The following TNS1 variants were observed in gnomAD, a reference collection of about 807,000 sequenced individuals.
The protein encoded by TNS1 is tensin 1, also known as tensin-1.
In TNS1, 62 loss-of-function variants were observed where a neutral mutation model predicts 168.6. The observed-to-expected ratio is 0.37, with a 90% confidence interval of 0.30 to 0.45. TNS1 has a LOEUF of 0.45. TNS1 is among the 20% of genes least tolerant of loss of function. The pLI is 1.00. For missense variants in TNS1, 2,240 were observed against 2,339.4 expected, an observed-to-expected ratio of 0.96 and a Z score of 0.88; for synonymous variants, 934 against 933.2, an observed-to-expected ratio of 1.00 and a Z score of -0.02.
intron 3 of TNS1, among the ~76,000 whole-genome samples, chr2:217,951,258 T>C (rs1337489227): frequency 1.3e-5 from 2 of 152,154 alleles, no homozygotes; most frequent in Non-Finnish European, 2.9e-5. Context: ...CAGCTCTCCA[T>C]AAATGTTGGC....
chr2:217,877,568 C>T (rs1950303926), intron 18 of TNS1, among the ~76,000 whole-genome samples: 1 of 152,216 alleles, frequency 6.6e-6, no homozygotes, highest in South Asian at 2.1e-4. Context: ...GCCCAGCCAC[C>T]TGAGCCTGAG....
At chr2:217,820,665 G>A (rs1365441599) in intron 23 of TNS1, among the ~76,000 whole-genome samples, 3 of 152,072 alleles carry the variant, frequency 2.0e-5, no homozygotes, top group Non-Finnish European at 2.9e-5. Flanking sequence ...ACACCTCCTA[G>A]GTCCTCCTCC....
In TNS1 at chr2:217,959,648, TA is replaced by T. The variant is rs375090331; in HGVS notation, c.186+19116del. Among the ~76,000 whole-genome samples, 31 of 152,334 alleles carry T rather than the reference TA, an allele frequency of 2.0e-4. No homozygotes were observed. The East Asian group carries it at 3.5e-3, about 17-fold the overall frequency. On this transcript the variant is annotated intron_variant, in intron 3 of 32. Coordinates refer to ENST00000682258, the MANE Select transcript of TNS1 (RefSeq NM_001387777.1). ...GTGCCTTAGCATGAAGACTGGTGTC[TA>T]ATTGCTTAATAAATGATAACCACTA...
chr2:217,864,935 T>C (rs148208380), intron 18 of TNS1, among the ~76,000 whole-genome samples: 4 of 152,164 alleles, frequency 2.6e-5, no homozygotes, highest in African/African-American at 4.8e-5. Context: ...GGGGCAGAGA[T>C]CCATGTGGTT....
intron 19 of TNS1, among the ~76,000 whole-genome samples, chr2:217,843,377 C>A (rs1226290899): frequency 1.3e-5 from 2 of 151,802 alleles, no homozygotes; most frequent in African/African-American, 4.8e-5. Flanking sequence ...CCAACCTACT[C>A]CCCTCCTCTT....
intron 6 of TNS1, chr2:217,903,561 T>C: frequency 6.5e-7 from 1 of 1,528,356 alleles, no homozygotes; most frequent in Non-Finnish European, 8.8e-7. Flanking sequence ...GAACTTTTCA[T>C]CCAACTCTCT....
intron 1 of TNS1, among the ~76,000 whole-genome samples, chr2:218,009,456 A>G (rs1486383409): frequency 6.6e-6 from 1 of 151,944 alleles, no homozygotes; most frequent in Non-Finnish European, 1.5e-5. Flanking sequence ...AGGGAGACCG[A>G]TGCTCAACCA....
chr2:217,954,242 C>T (rs1255319595), intron 3 of TNS1, among the ~76,000 whole-genome samples: 1 of 152,192 alleles, frequency 6.6e-6, no homozygotes, highest in Non-Finnish European at 1.5e-5. Context: ...GTGACCCTGC[C>T]CAGTCTCATG....
chr2:217,830,037 A>G, intron 22 of TNS1: 1 of 969,044 alleles, frequency 1.0e-6, no homozygotes, highest in Non-Finnish European at 1.2e-6. Flanking sequence ...CGGAGATGGG[A>G]AAGCTGGGGT....
chr2:217,868,250 T>G (rs1949460233), intron 18 of TNS1, among the ~76,000 whole-genome samples: 1 of 152,228 alleles, frequency 6.6e-6, no homozygotes, highest in Non-Finnish European at 1.5e-5. Flanking sequence ...TCCCACCCTC[T>G]TGCATGCTGA....
Position 217,885,873 on chromosome 2 carries a change from G to C in TNS1, c.1041-54C>G, listed in dbSNP as rs183400079. ...GTGGGCTGCTGGAGGGGAGATGAGG[G>C]AGGGGCATTTTCTCCCTGCTGCCCC... On this transcript the variant is annotated intron_variant, in intron 14 of 32. Coordinates refer to ENST00000682258, the MANE Select transcript of TNS1 (RefSeq NM_001387777.1). The C allele has an allele frequency of 1.6e-4, 250 of 1,569,374 alleles. 1 individual carries two copies. The African/African-American group carries it at 2.4e-3, about 15-fold the overall frequency.
At chr2:217,984,505 T>G (rs1958140549) in intron 2 of TNS1, among the ~76,000 whole-genome samples, 1 of 152,140 alleles carries the variant, frequency 6.6e-6, no homozygotes, top group Non-Finnish European at 1.5e-5. Flanking sequence ...TCTTTCTTTC[T>G]GAGACAGGGT....
chr2:217,829,013 G>C (rs1273326412), intron 22 of TNS1, among the ~76,000 whole-genome samples: 1 of 152,152 alleles, frequency 6.6e-6, no homozygotes, highest in Non-Finnish European at 1.5e-5. Context: ...AGAGCTACTG[G>C]CATCTAGCAG....
Position 217,880,362 on chromosome 2 carries a change from A to T in TNS1, c.1429+536T>A, listed in dbSNP as rs866561238. On this transcript the variant is annotated intron_variant, in intron 18 of 32. Coordinates refer to ENST00000682258, the MANE Select transcript of TNS1 (RefSeq NM_001387777.1). The surrounding 1 kb of genome is among the most constrained non-coding windows in gnomAD (Gnocchi z 4.2). ...CCTATCAGTTTGTTCCCAGCTCTCA[A>T]ACATTTTTGTTGGCTGTTGATGAAA... Among the ~76,000 whole-genome samples, 2 of 152,164 alleles carry T rather than the reference A, an allele frequency of 1.3e-5. No homozygotes were observed. Among genetic ancestry groups the T allele is most frequent in the Non-Finnish European group, 2.9e-5 (2 of 68,036 alleles).
Position 217,880,658 on chromosome 2 carries a change from G to A in TNS1, c.1429+240C>T, listed in dbSNP as rs191122491. Among the ~76,000 whole-genome samples the A allele has an allele frequency of 2.6e-5, 4 of 152,262 alleles. No homozygotes were observed. Among genetic ancestry groups the A allele is most frequent in the African/African-American group, 7.2e-5 (3 of 41,540 alleles). ...CTTGGCTGTAGCAACACACTTCCACGATAACCCCCTTGTGGCCATTTTGCT... is the reference window on the plus strand; with the variant it reads ...CTTGGCTGTAGCAACACACTTCCACAATAACCCCCTTGTGGCCATTTTGCT... On this transcript the variant is annotated intron_variant, in intron 18 of 32. Coordinates refer to ENST00000682258, the MANE Select transcript of TNS1 (RefSeq NM_001387777.1). The surrounding 1 kb of genome is among the most constrained non-coding windows in gnomAD (Gnocchi z 4.2).
intron 12 of TNS1, among the ~76,000 whole-genome samples, chr2:217,886,981 C>T (rs1345222808): frequency 6.6e-6 from 1 of 152,134 alleles, no homozygotes; most frequent in African/African-American, 2.4e-5. Context: ...ACCAAAATTT[C>T]CACCCCACAT....
chr2:217,882,977 A>G (rs1412291100), intron 16 of TNS1, among the ~76,000 whole-genome samples: 1 of 151,828 alleles, frequency 6.6e-6, no homozygotes, highest in African/African-American at 2.4e-5. Context: ...TGTATTTTTT[A>G]TAGCGACGGA....
intron 18 of TNS1, among the ~76,000 whole-genome samples, chr2:217,853,463 G>A (rs367846698): frequency 7.2e-5 from 11 of 152,256 alleles, no homozygotes; most frequent in South Asian, 2.1e-4. Context: ...GCATTGTCAC[G>A]GGTGACAATG....
chr2:218,005,562 G>C (rs1958650141), upstream of TNS1, among the ~76,000 whole-genome samples: 1 of 152,162 alleles, frequency 6.6e-6, no homozygotes, highest in East Asian at 1.9e-4. Flanking sequence ...TGTGTGTAAT[G>C]ACCCTGTTCC....
Sources: gnomAD v4.1 joint callset for allele counts (sites outside exome capture counted in the v4.1 genomes callset) on GRCh38, gnomAD v4.1.1 for gene constraint, Gnocchi (gnomAD v3.1) non-coding constraint, MANE v1.5 for transcripts, NCBI Gene and HGNC (gene_info 2026-07-23, HGNC 2026-07-21) for gene names.